Variants in PRKCE observed in about 807,000 individuals in gnomAD.
PRKCE encodes the protein protein kinase C epsilon.
PRKCE carries 16 observed loss-of-function variants against 85.4 expected under a neutral mutation model. That is an observed-to-expected ratio of 0.19 (90% CI 0.13 to 0.28). The LOEUF (loss-of-function observed/expected upper bound fraction) is 0.28, where lower values mean the gene tolerates loss of function less well. Ranked by LOEUF, PRKCE falls within the 10% of genes least tolerant of loss-of-function variation. PRKCE has a pLI of 1.00. For missense variants in PRKCE, 573 were observed against 975.2 expected (o/e 0.59, Z 5.49); for synonymous variants, 388 against 371.5 (o/e 1.04, Z -0.51).
chr2:45,782,218 G>A (rs565599040), intron 1 of PRKCE, among the ~76,000 whole-genome samples: 181 of 151,996 alleles, frequency 1.2e-3, no homozygotes, highest in Non-Finnish European at 2.0e-3. Context: ...GCCTCCTCTC[G>A]TCCAGGCCCA....
chr2:45,807,002 C>A (rs1688294597), intron 1 of PRKCE, among the ~76,000 whole-genome samples: 1 of 152,174 alleles, frequency 6.6e-6, no homozygotes. Context: ...GCTGAAGCTG[C>A]TTCCAAGAGC....
At position 46,187,143 on chromosome 2, in the gene PRKCE, C is replaced by T. The variant is rs924536329; in HGVS notation, c.*2262C>T. On this transcript the variant is annotated 3_prime_UTR_variant, in exon 15 of 15. Coordinates refer to ENST00000306156, the MANE Select transcript of PRKCE (RefSeq NM_005400.3). Reference sequence around the variant, plus strand: ...CTGTTCTTTCTTCTGCTTTCTTCACCATAATAAACTTTGGACAACCAAGCA... The same window carrying T: ...CTGTTCTTTCTTCTGCTTTCTTCACTATAATAAACTTTGGACAACCAAGCA... The T allele has an allele frequency of 8.5e-5, 13 of 152,622 alleles. No homozygotes were observed. Among genetic ancestry groups the T allele is most frequent in the Admixed American group, 3.3e-4 (5 of 15,284 alleles). The allele number at this position is 152,622 out of a possible 1,614,324, so 9.5% of individuals were successfully genotyped here. A position where few individuals can be genotyped will look rare whatever the true frequency, so the allele number is the denominator to read the frequency against.
intron 10 of PRKCE, among the ~76,000 whole-genome samples, chr2:46,061,554 G>C (rs1422177240): frequency 6.6e-6 from 1 of 152,122 alleles, no homozygotes; most frequent in African/African-American, 2.4e-5. Flanking sequence ...GGCTATTTTA[G>C]TAATAGAATC....
chr2:45,892,379 A>C (rs1695793450), intron 2 of PRKCE, among the ~76,000 whole-genome samples: 1 of 151,946 alleles, frequency 6.6e-6, no homozygotes, highest in Admixed American at 6.6e-5. Flanking sequence ...AACGGGGCTC[A>C]CTAGGTATTT....
intron 2 of PRKCE, among the ~76,000 whole-genome samples, chr2:45,844,593 GT>G (rs2105499422): frequency 6.6e-6 from 1 of 152,290 alleles, no homozygotes; most frequent in Admixed American, 6.5e-5. Context: ...TTGACTTAAG[GT>G]TTTGCAGTGT....
At chr2:46,147,402 C>A (rs2104502124) in intron 12 of PRKCE, among the ~76,000 whole-genome samples, 1 of 152,326 alleles carries the variant, frequency 6.6e-6, no homozygotes, top group South Asian at 2.1e-4. Flanking sequence ...TAACAGTTGA[C>A]AGCCCATGTT....
chr2:45,965,864 G>C (rs542200690), intron 2 of PRKCE, among the ~76,000 whole-genome samples: 1 of 151,910 alleles, frequency 6.6e-6, no homozygotes, highest in South Asian at 2.1e-4. Context: ...TTAGTTTCTT[G>C]GTGGGCTTAG....
At chr2:46,076,735 A>T (rs974801819) in intron 10 of PRKCE, among the ~76,000 whole-genome samples, 5 of 152,178 alleles carry the variant, frequency 3.3e-5, no homozygotes, top group Admixed American at 6.5e-5. Context: ...CAAAAGTGGG[A>T]TGGACTCTAC....
intron 2 of PRKCE, among the ~76,000 whole-genome samples, chr2:45,915,316 T>G (rs1697684691): frequency 6.6e-6 from 1 of 152,244 alleles, no homozygotes; most frequent in African/African-American, 2.4e-5. Context: ...TGTTTCATTT[T>G]TTAGTAATTA....
intron 12 of PRKCE, among the ~76,000 whole-genome samples, chr2:46,146,317 G>A (rs976491134): frequency 6.6e-6 from 1 of 152,260 alleles, no homozygotes; most frequent in Admixed American, 6.5e-5. Context: ...ATAGGTATTA[G>A]CACATTCAGA....
At chr2:46,132,009 G>A (rs1674510772) in intron 11 of PRKCE, among the ~76,000 whole-genome samples, 1 of 151,936 alleles carries the variant, frequency 6.6e-6, no homozygotes, top group Admixed American at 6.6e-5. Flanking sequence ...CTAAATCAGA[G>A]TCTCAAAGCA....
At chr2:46,162,724 T>C (rs1451340933) in intron 14 of PRKCE, among the ~76,000 whole-genome samples, 1 of 152,216 alleles carries the variant, frequency 6.6e-6, no homozygotes, top group Non-Finnish European at 1.5e-5. Flanking sequence ...GCTGCAGGTC[T>C]TTCAAGACTT....
At chr2:46,038,031 G>C (rs184261016) in intron 10 of PRKCE, among the ~76,000 whole-genome samples, 1 of 152,262 alleles carries the variant, frequency 6.6e-6, no homozygotes, top group African/African-American at 2.4e-5. Context: ...CAAGCTCCTG[G>C]CACAGCAACT....
intron 1 of PRKCE, among the ~76,000 whole-genome samples, chr2:45,822,843 A>G (rs1043604343): frequency 6.6e-6 from 1 of 152,188 alleles, no homozygotes; most frequent in African/African-American, 2.4e-5. Context: ...TTTTTATTTC[A>G]GTAATGATTC....
At chr2:45,827,747 T>C (rs1031807661) in intron 1 of PRKCE, among the ~76,000 whole-genome samples, 47 of 152,362 alleles carry the variant, frequency 3.1e-4, no homozygotes, top group Non-Finnish European at 5.1e-4. Flanking sequence ...ATCTTGTTCA[T>C]TGTTTTGATA....
At chr2:46,180,082 A>G (rs750199630) in intron 14 of PRKCE, among the ~76,000 whole-genome samples, 19 of 152,196 alleles carry the variant, frequency 1.2e-4, no homozygotes, top group Non-Finnish European at 2.1e-4. Flanking sequence ...CTCATAGATT[A>G]GTTGAAAAGA....
At chr2:45,698,012 A>G (rs1244932798) in intron 1 of PRKCE, 1 of 152,626 alleles carries the variant, frequency 6.6e-6, no homozygotes, top group Non-Finnish European at 1.5e-5. Context: ...TCCTGAGGGT[A>G]TGTCAACTCC....
At chr2:46,017,101 C>T (rs1230066986) in intron 10 of PRKCE, among the ~76,000 whole-genome samples, 3 of 151,148 alleles carry the variant, frequency 2.0e-5, no homozygotes, top group Non-Finnish European at 4.4e-5. Context: ...TTTAAGTGTA[C>T]AGTTCAGTGG....
At chr2:46,012,205 A>T (rs1166419507) in intron 10 of PRKCE, among the ~76,000 whole-genome samples, 1 of 152,078 alleles carries the variant, frequency 6.6e-6, no homozygotes, top group Non-Finnish European at 1.5e-5. Flanking sequence ...AGGGCCTCAC[A>T]CTTGACAGGT....
Sources: gnomAD v4.1 joint callset for allele counts (sites outside exome capture counted in the v4.1 genomes callset) on GRCh38, gnomAD v4.1.1 for gene constraint, MANE v1.5 for transcripts, NCBI Gene and HGNC (gene_info 2026-07-23, HGNC 2026-07-21) for gene names.